The following TINAG variants were observed in gnomAD, a reference collection of about 807,000 sequenced individuals.
TINAG encodes the protein tubulointerstitial nephritis antigen.
TINAG carries 83 observed loss-of-function variants against 72.7 expected under a neutral mutation model. The ratio of observed to expected loss-of-function variants is 1.14; its 90% CI spans 0.96 to 1.37. The LOEUF (loss-of-function observed/expected upper bound fraction) is 1.37. Among genes scored for constraint, TINAG ranks in the 40% most tolerant of loss-of-function variants. The pLI, the probability that TINAG is intolerant of heterozygous loss-of-function variation, is 0.00. For synonymous variants in TINAG, 234 were observed against 189.9 expected, an observed-to-expected ratio of 1.23 and a Z score of -1.91; for missense variants, 685 against 576.6, an observed-to-expected ratio of 1.19 and a Z score of -1.93.
At chr6:54,357,626 C>T (rs1006294179) in intron 9 of TINAG, among the ~76,000 whole-genome samples, 2 of 151,908 alleles carry the variant, frequency 1.3e-5, no homozygotes, top group East Asian at 3.9e-4. Flanking sequence ...CTTTACTTCA[C>T]AATTTACTTT....
Position 54,343,259 on chromosome 6 carries a change from T to G in TINAG, c.658T>G (p.Phe220Val), listed in dbSNP as rs780878779. 1 of 1,583,486 alleles carries G rather than the reference T, an allele frequency of 6.3e-7. No individual in the cohort carries two copies. Among genetic ancestry groups the G allele is most frequent in the Admixed American group, 1.7e-5 (1 of 57,850 alleles). Residue 220 changes from phenylalanine to valine, a missense_variant, in exon 5 of 11, where the codon TTT (phenylalanine) becomes GTT (valine). Coordinates refer to ENST00000259782, the MANE Select transcript of TINAG (RefSeq NM_014464.4). ...ACCTGCAACAACTGATCTTCCAGAG[T>G]TTTTTGTTGCTTCTTATAAATGGCC... is the stretch of plus-strand genomic sequence containing the variant. ...SLPATTDLPE[F>V]FVASYKWPGW...
Position 54,389,861 on chromosome 6 carries a change from A to C in TINAG, c.1367A>C (p.Glu456Ala). 4 of 1,610,978 alleles carry C rather than the reference A, an allele frequency of 2.5e-6. No individual in the cohort carries two copies. The highest frequency in any genetic ancestry group is 3.4e-6 in the Non-Finnish European group (4 of 1,178,716). Residue 456 changes from glutamate to alanine, a missense_variant, in exon 11 of 11, where the codon GAG becomes GCG. Glu to Ala is a moderately radical substitution (Grantham distance 107). Coordinates refer to ENST00000259782, the MANE Select transcript of TINAG (RefSeq NM_014464.4). Reference sequence around the variant, plus strand: ...TTCAGGATTCTTCGAGGAGTAAATGAGTCCGACATTGAAAAGTTGATTATC... The same window carrying C: ...TTCAGGATTCTTCGAGGAGTAAATGCGTCCGACATTGAAAAGTTGATTATC... Reference protein sequence around the residue: ...GYFRILRGVNESDIEKLIIAA... With the variant: ...GYFRILRGVNASDIEKLIIAA...
intron 10 of TINAG, among the ~76,000 whole-genome samples, chr6:54,386,969 C>T (rs1188646211): frequency 1.3e-5 from 2 of 151,956 alleles, no homozygotes; most frequent in Non-Finnish European, 2.9e-5. Context: ...AAAAAGTAAG[C>T]CACAGAATGA....
Position 54,308,444 on chromosome 6 carries a change from C to A in TINAG, c.-107C>A. On this transcript the variant is annotated 5_prime_UTR_variant, in exon 1 of 11. Transcript: ENST00000259782. ...CAAGTAAAGGATCAGTTTCAGGGTT[C>A]AGGCTGAAGTGTCTTAATGACTAGA... The A allele has an allele frequency of 1.1e-6, 1 of 881,654 alleles. No individual in the cohort carries two copies. Among genetic ancestry groups the A allele is most frequent in the Non-Finnish European group, 1.7e-6 (1 of 581,356 alleles). 54.6% of individuals were successfully genotyped at this position (881,654 alleles called of 1,614,324 possible). A position where few individuals can be genotyped will look rare whatever the true frequency, so the allele number is the denominator to read the frequency against.
At chr6:54,359,771 G>A (rs1417349245) in intron 9 of TINAG, among the ~76,000 whole-genome samples, 1 of 151,762 alleles carries the variant, frequency 6.6e-6, no homozygotes, top group Non-Finnish European at 1.5e-5. Flanking sequence ...ATTGGTAGGT[G>A]CCCTGGAGCA....
At chr6:54,380,673 T>G in intron 10 of TINAG, 102 bp downstream of exon 10, 1 of 809,622 alleles carries the variant, frequency 1.2e-6, no homozygotes, top group Non-Finnish European at 1.9e-6. Context: ...CATCCTCAGC[T>G]GTGTAATATT....
chr6:54,375,815 GC>G (rs1336007047), intron 9 of TINAG, among the ~76,000 whole-genome samples: 1 of 152,094 alleles, frequency 6.6e-6, no homozygotes, highest in Non-Finnish European at 1.5e-5. Context: ...TTTGCTTCTA[GC>G]CGGCTCTCAC....
intron 10 of TINAG, among the ~76,000 whole-genome samples, chr6:54,384,712 AC>A (rs71546134): frequency 0.024 from 3,585 of 152,272 alleles, 50 homozygotes; most frequent in Non-Finnish European, 0.036. Flanking sequence ...TTCCAAAAAA[AC>A]ATACACCAAA....
At chr6:54,309,095 A>T (rs1420167653) in intron 1 of TINAG, among the ~76,000 whole-genome samples, 190 bp downstream of exon 1, 1 of 152,128 alleles carries the variant, frequency 6.6e-6, no homozygotes, top group Non-Finnish European at 1.5e-5. Flanking sequence ...TGTGTAATAC[A>T]AGCACCTTCA....
At position 54,343,347 on chromosome 6, in the gene TINAG, C is replaced by G. The variant is rs757365510; in HGVS notation, c.746C>G (p.Ala249Gly). ...GCTGCATCCTGGGCATTTTCCACTG[C>G]AAGTAATAAAGTCATTTTAATTCCT... ...NCAASWAFST[A>G]SVAADRIAIQ... The change falls in exon 5 of 11, where the codon GCA becomes GGA. Residue 249 changes from alanine to glycine, a missense_variant and splice_region_variant. Transcript: ENST00000259782. 2 of 1,532,318 alleles carry G rather than the reference C, an allele frequency of 1.3e-6. No individual in the cohort carries two copies. The highest frequency in any genetic ancestry group is 2.7e-5 in the South Asian group (2 of 73,698). The allele number at this position is 1,532,318 out of a possible 1,614,324, so 94.9% of individuals were successfully genotyped here.
At chr6:54,354,453 G>A (rs1419560809) in intron 8 of TINAG, 60 bp from the exon 9 acceptor site, 37 of 1,475,584 alleles carry the variant, frequency 2.5e-5, no homozygotes, top group Non-Finnish European at 3.3e-5. Flanking sequence ...AAATTTTCTG[G>A]TGGTTTTTAA....
chr6:54,333,873 T>C (rs1784801343), intron 4 of TINAG, among the ~76,000 whole-genome samples: 1 of 152,046 alleles, frequency 6.6e-6, no homozygotes, highest in Non-Finnish European at 1.5e-5. Context: ...TATGCCTTGA[T>C]GATTAGTAAA....
At chr6:54,374,535 A>G (rs894183251) in intron 9 of TINAG, among the ~76,000 whole-genome samples, 1 of 152,134 alleles carries the variant, frequency 6.6e-6, no homozygotes, top group Non-Finnish European at 1.5e-5. Flanking sequence ...AGCTTTTCTT[A>G]AAAACGAAGT....
At chr6:54,348,775 C>T (rs534193950) in intron 6 of TINAG, among the ~76,000 whole-genome samples, 5 of 152,118 alleles carry the variant, frequency 3.3e-5, no homozygotes, top group Admixed American at 6.6e-5. Context: ...CAGTCCACAG[C>T]ACTCATCATT....
At chr6:54,389,698 G>A (rs1352530825) in intron 10 of TINAG, 93 bp from the exon 11 acceptor site, 1 of 1,413,170 alleles carries the variant, frequency 7.1e-7, no homozygotes, top group African/African-American at 1.5e-5. Context: ...ATAAATCAAA[G>A]GCATTTAAAG....
chr6:54,310,815 CCTCTTTCTTT>C (rs796070657), intron 1 of TINAG, among the ~76,000 whole-genome samples: 1,804 of 138,560 alleles, frequency 0.013, 43 homozygotes, highest in African/African-American at 0.046. Context: ...TCTTTCTCTC[CCTCTTTCTTT>C]CTCTTTCTTT....
intron 9 of TINAG, among the ~76,000 whole-genome samples, 158 bp from the exon 10 acceptor site, chr6:54,380,368 G>A (rs1004061227): frequency 1.3e-5 from 2 of 152,120 alleles, no homozygotes; most frequent in Non-Finnish European, 2.9e-5. Flanking sequence ...AACTATATGA[G>A]CACATTTCTG....
intron 9 of TINAG, among the ~76,000 whole-genome samples, chr6:54,372,751 TATATATATATATATATATATACAC>T (rs1269890624): frequency 8.3e-5 from 2 of 24,148 alleles, no homozygotes; most frequent in African/African-American, 2.3e-4. Context: ...TATATATATA[TATATATATATATATATATATACAC>T]ACACACACAC....
At chr6:54,388,974 T>C (rs935836629) in intron 10 of TINAG, among the ~76,000 whole-genome samples, 2 of 152,166 alleles carry the variant, frequency 1.3e-5, no homozygotes, top group Non-Finnish European at 2.9e-5. Flanking sequence ...TCATATAGGA[T>C]AATGTAATCA....
Sources: gnomAD v4.1 joint callset for allele counts (sites outside exome capture counted in the v4.1 genomes callset) on GRCh38, gnomAD v4.1.1 for gene constraint, MANE v1.5 for transcripts, NCBI Gene and HGNC (gene_info 2026-07-23, HGNC 2026-07-21) for gene names.